The following TANGO6 variants were observed in gnomAD, a reference collection of about 807,000 sequenced individuals.
The protein encoded by TANGO6 is transport and Golgi organization protein 6 homolog.
In TANGO6, 90 loss-of-function variants were observed where a neutral mutation model predicts 114.2. The ratio of observed to expected loss-of-function variants is 0.79; its 90% CI spans 0.66 to 0.94. The LOEUF is 0.94. TANGO6 is among the 40% of genes least tolerant of loss of function. The pLI, the probability that TANGO6 is intolerant of heterozygous loss-of-function variation, is 0.00. For synonymous variants in TANGO6, 477 were observed against 509.8 expected (o/e 0.94, Z 0.87); for missense variants, 1,274 against 1,315.3 (o/e 0.97, Z 0.49).
At chr16:68,945,180 T>C (rs1380013440) in intron 14 of TANGO6, among the ~76,000 whole-genome samples, 1 of 152,088 alleles carries the variant, frequency 6.6e-6, no homozygotes, top group Non-Finnish European at 1.5e-5. Context: ...AGTTTGGAGA[T>C]TTTATAAAAA....
intron 15 of TANGO6, among the ~76,000 whole-genome samples, chr16:68,975,386 C>CTT (rs879895723): frequency 1.4e-5 from 2 of 144,234 alleles, no homozygotes; most frequent in South Asian, 2.2e-4. Context: ...AACTGCCGCG[C>CTT]TTTTTTTTTT....
At chr16:68,882,266 G>A (rs1962472195) in intron 7 of TANGO6, among the ~76,000 whole-genome samples, 1 of 152,100 alleles carries the variant, frequency 6.6e-6, no homozygotes, top group Non-Finnish European at 1.5e-5. Flanking sequence ...GGAGGCCGAG[G>A]CGGGCAGATC....
chr16:68,924,839 G>A (rs1286930187), intron 12 of TANGO6, among the ~76,000 whole-genome samples: 1 of 151,346 alleles, frequency 6.6e-6, no homozygotes, highest in Non-Finnish European at 1.5e-5. Context: ...CTGCCACCCA[G>A]TGCATTTCCC....
chr16:68,995,006 C>G (rs183611663), intron 15 of TANGO6, among the ~76,000 whole-genome samples: 9 of 152,306 alleles, frequency 5.9e-5, no homozygotes, highest in Admixed American at 5.2e-4. Context: ...GAAGATCTCT[C>G]TGTCTCTTTA....
intron 16 of TANGO6, chr16:69,034,915 G>A (rs1266731257): frequency 2.0e-4 from 28 of 141,318 alleles, no homozygotes; most frequent in Admixed American, 1.6e-3. Flanking sequence ...AGGCTGTGTC[G>A]CTTAAAACCA....
Position 69,083,821 on chromosome 16 carries a change from TC to T in TANGO6, c.*162del, listed in dbSNP as rs2152246629. Reference sequence around the variant, plus strand: ...GGTCACTTGGGTCTTCAGGGTCCCTTCCGAGGGCATGTGTTCAGCACTCCCG... The same window carrying T: ...GGTCACTTGGGTCTTCAGGGTCCCTTCGAGGGCATGTGTTCAGCACTCCCG... On this transcript the variant is annotated 3_prime_UTR_variant, in exon 18 of 18. Transcript: ENST00000261778. The T allele has an allele frequency of 1.4e-6, 1 of 699,540 alleles. No individual in the cohort carries two copies. The highest frequency in any genetic ancestry group is 2.0e-5 in the South Asian group (1 of 50,848). 43.3% of individuals were successfully genotyped at this position (699,540 alleles called of 1,614,324 possible). A position where few individuals can be genotyped will look rare whatever the true frequency, so the allele number is the denominator to read the frequency against.
At chr16:69,052,284 T>TC (rs1399585763) in intron 17 of TANGO6, among the ~76,000 whole-genome samples, 1 of 150,168 alleles carries the variant, frequency 6.7e-6, no homozygotes, top group African/African-American at 2.4e-5. Context: ...TTTTTTTTTT[T>TC]TGGAGACAGG....
intron 7 of TANGO6, among the ~76,000 whole-genome samples, chr16:68,891,546 C>G (rs576168248): frequency 6.6e-6 from 1 of 152,278 alleles, no homozygotes; most frequent in Non-Finnish European, 1.5e-5. Context: ...GAAACAGAAA[C>G]ACGTTTATTC....
chr16:69,026,220 T>TC (rs149566445), intron 16 of TANGO6: 30,611 of 152,028 alleles, frequency 0.2, 3,292 homozygotes, highest in African/African-American at 0.27. Flanking sequence ...CAGGCTGGTC[T>TC]AAACTCCTAA....
At chr16:68,972,894 A>G (rs7202398) in intron 14 of TANGO6, 53,326 of 272,664 alleles carry the variant, frequency 0.2, 6,462 homozygotes, top group African/African-American at 0.38. Flanking sequence ...GAGCAGCAGC[A>G]GATGCAGAGG....
intron 1 of TANGO6, among the ~76,000 whole-genome samples, chr16:68,848,019 A>C (rs1006900298): frequency 9.3e-5 from 14 of 150,928 alleles, no homozygotes; most frequent in African/African-American, 1.5e-4. Flanking sequence ...AAAAAAAAAA[A>C]CTATTGCAAA....
At chr16:68,925,570 A>G (rs577148634) in intron 12 of TANGO6, among the ~76,000 whole-genome samples, 3 of 152,218 alleles carry the variant, frequency 2.0e-5, no homozygotes, top group African/African-American at 7.2e-5. Context: ...TTGTCTTCTC[A>G]TTCTCTTGAC....
intron 14 of TANGO6, among the ~76,000 whole-genome samples, chr16:68,939,606 A>G (rs1211445677): frequency 6.7e-6 from 1 of 149,002 alleles, no homozygotes. Context: ...GCCATAAAGC[A>G]TGGATATTTT....
chr16:69,075,722 G>T lies in TANGO6; in HGVS notation c.3109-7763G>T, dbSNP rs140826997. 3.0e-3 allele frequency among the ~76,000 whole-genome samples: 454 copies of T among 151,302 alleles called. 2 individuals carry two copies. Among genetic ancestry groups the T allele is most frequent in the Non-Finnish European group, 4.7e-3 (318 of 67,862 alleles). ...TCCTGCCTTGGCCTCTCAAAGTGCC[G>T]GGATTACAGGCATAAGCCATTGCAC... is the stretch of plus-strand genomic sequence containing the variant. On this transcript the variant is annotated intron_variant, in intron 17 of 17. Transcript: ENST00000261778.
chr16:68,920,133 A>C (rs1431966064), intron 12 of TANGO6, among the ~76,000 whole-genome samples: 1 of 152,234 alleles, frequency 6.6e-6, no homozygotes, highest in African/African-American at 2.4e-5. Context: ...ACAGCAGGGG[A>C]CAGGGCAGAC....
At chr16:68,915,834 C>G (rs117281966) in intron 11 of TANGO6, among the ~76,000 whole-genome samples, 3,328 of 152,264 alleles carry the variant, frequency 0.022, 53 homozygotes, top group Non-Finnish European at 0.036. Flanking sequence ...AATAAAGATT[C>G]TAGCACAGCA....
At chr16:68,918,727 T>C (rs933438235) in intron 11 of TANGO6, among the ~76,000 whole-genome samples, 2 of 152,242 alleles carry the variant, frequency 1.3e-5, no homozygotes, top group African/African-American at 4.8e-5. Flanking sequence ...AGAGTTGATA[T>C]GAGAACTAAA....
At chr16:68,848,567 C>T (rs1041679037) in intron 1 of TANGO6, among the ~76,000 whole-genome samples, 8 of 151,942 alleles carry the variant, frequency 5.3e-5, no homozygotes, top group Non-Finnish European at 1.2e-4. Flanking sequence ...AAAAATCCTA[C>T]CTCTAACCCT....
intron 17 of TANGO6, among the ~76,000 whole-genome samples, chr16:69,049,856 C>T (rs950854027): frequency 1.3e-5 from 2 of 151,948 alleles, no homozygotes; most frequent in African/African-American, 4.8e-5. Flanking sequence ...GCTGAGATTA[C>T]AGGCATGAGC....
Sources: allele counts gnomAD v4.1 joint callset (sites outside exome capture counted in the v4.1 genomes callset), GRCh38; gene constraint gnomAD v4.1.1; transcripts MANE v1.5; gene names NCBI Gene and HGNC (gene_info 2026-07-23, HGNC 2026-07-21).